The following TMEM132D variants were observed in gnomAD, a reference collection of about 807,000 sequenced individuals.
TMEM132D encodes the protein transmembrane protein 132D, also known as mature OL transmembrane protein.
In TMEM132D, 21 loss-of-function variants were observed where a neutral mutation model predicts 62.3. That is an observed-to-expected ratio of 0.34 (90% CI 0.24 to 0.49). The LOEUF (loss-of-function observed/expected upper bound fraction) is 0.49. Ranked by LOEUF, TMEM132D falls within the 20% of genes least tolerant of loss-of-function variation. TMEM132D has a pLI of 0.99. For missense variants in TMEM132D, 1,346 were observed against 1,402.8 expected (o/e 0.96, Z 0.65); for synonymous variants, 621 against 575.6 (o/e 1.08, Z -1.13).
chr12:129,407,011 T>C (rs1446250191), intron 3 of TMEM132D, among the ~76,000 whole-genome samples: 2 of 152,238 alleles, frequency 1.3e-5, no homozygotes, highest in Admixed American at 6.5e-5. Context: ...AGGTACTTGA[T>C]CAAAGAATAA....
At chr12:129,733,580 C>T (rs1869321197) in intron 1 of TMEM132D, among the ~76,000 whole-genome samples, 1 of 151,914 alleles carries the variant, frequency 6.6e-6, no homozygotes, top group Non-Finnish European at 1.5e-5. Flanking sequence ...TTACTGTTTT[C>T]AGCCACCATG....
At chr12:129,714,615 C>A (rs576864405) in intron 1 of TMEM132D, among the ~76,000 whole-genome samples, 1 of 152,164 alleles carries the variant, frequency 6.6e-6, no homozygotes, top group Non-Finnish European at 1.5e-5. Flanking sequence ...AGTATCAGAT[C>A]ATAATAATCA....
chr12:129,491,285 C>A (rs1288404770), intron 3 of TMEM132D, among the ~76,000 whole-genome samples: 1 of 152,196 alleles, frequency 6.6e-6, no homozygotes, highest in Non-Finnish European at 1.5e-5. Flanking sequence ...AAAAAGCCCA[C>A]GGCAACAAAC....
At chr12:129,177,447 C>A (rs1013885977) in intron 5 of TMEM132D, among the ~76,000 whole-genome samples, 1 of 152,050 alleles carries the variant, frequency 6.6e-6, no homozygotes, top group African/African-American at 2.4e-5. Context: ...GAGGTGGTTG[C>A]CAGTGTTTGG....
chr12:129,646,852 T>C (rs939399689), intron 2 of TMEM132D, among the ~76,000 whole-genome samples: 4 of 150,744 alleles, frequency 2.7e-5, no homozygotes, highest in African/African-American at 7.4e-5. Flanking sequence ...CAGGCTACAG[T>C]GCAATGGTGC....
intron 5 of TMEM132D, among the ~76,000 whole-genome samples, chr12:129,113,806 A>G (rs183745517): frequency 5.9e-4 from 90 of 152,070 alleles, no homozygotes; most frequent in African/African-American, 2.1e-3. Flanking sequence ...AGAGCAATAC[A>G]TGGCCTGGGG....
At chr12:129,490,297 T>C (rs905098637) in intron 3 of TMEM132D, among the ~76,000 whole-genome samples, 1 of 152,190 alleles carries the variant, frequency 6.6e-6, no homozygotes, top group Non-Finnish European at 1.5e-5. Flanking sequence ...CTATTCAGTT[T>C]AGATGTCTAT....
At chr12:129,201,211 C>T (rs1460021555) in intron 5 of TMEM132D, among the ~76,000 whole-genome samples, 1 of 152,178 alleles carries the variant, frequency 6.6e-6, no homozygotes, top group Non-Finnish European at 1.5e-5. Flanking sequence ...TAAGTTGCAA[C>T]AACAAAAACA....
chr12:129,545,976 C>T (rs757998186), intron 2 of TMEM132D, among the ~76,000 whole-genome samples: 1 of 152,156 alleles, frequency 6.6e-6, no homozygotes, highest in African/African-American at 2.4e-5. Context: ...TGTCCAGGTG[C>T]CTCTTGGACA....
chr12:129,225,004 G>A (rs1430896008), intron 4 of TMEM132D, among the ~76,000 whole-genome samples: 1 of 152,116 alleles, frequency 6.6e-6, no homozygotes, highest in Non-Finnish European at 1.5e-5. Flanking sequence ...ACGGAAACAG[G>A]AGAGCTTAGG....
At chr12:129,800,750 C>G (rs890838681) in intron 1 of TMEM132D, among the ~76,000 whole-genome samples, 1 of 152,068 alleles carries the variant, frequency 6.6e-6, no homozygotes, top group African/African-American at 2.4e-5. Context: ...GTCTACAGCT[C>G]CCAGCGAGAG....
intron 2 of TMEM132D, among the ~76,000 whole-genome samples, chr12:129,561,055 G>A (rs1877211690): frequency 6.6e-6 from 1 of 152,176 alleles, no homozygotes; most frequent in South Asian, 2.1e-4. Flanking sequence ...AGATAATGGA[G>A]AGTGCAATGA....
At chr12:129,542,826 C>T (rs1335219051) in intron 2 of TMEM132D, among the ~76,000 whole-genome samples, 3 of 152,114 alleles carry the variant, frequency 2.0e-5, no homozygotes, top group Non-Finnish European at 4.4e-5. Flanking sequence ...TGTATTTTTA[C>T]TGTACCTTTT....
intron 2 of TMEM132D, among the ~76,000 whole-genome samples, chr12:129,618,285 C>A (rs937690752): frequency 1.3e-5 from 2 of 152,150 alleles, no homozygotes; most frequent in Non-Finnish European, 2.9e-5. Context: ...ATCATAATAT[C>A]TAAAATCATT....
chr12:129,682,644 G>A (rs1264386740), intron 2 of TMEM132D, among the ~76,000 whole-genome samples: 1 of 151,958 alleles, frequency 6.6e-6, no homozygotes, highest in African/African-American at 2.4e-5. Flanking sequence ...TGGATCACGA[G>A]GTCAGGAGAT....
intron 2 of TMEM132D, among the ~76,000 whole-genome samples, chr12:129,688,005 G>C (rs575382033): frequency 1.3e-5 from 2 of 152,258 alleles, no homozygotes; most frequent in South Asian, 4.1e-4. Flanking sequence ...CACATTGTTT[G>C]ACACATAAAT....
intron 5 of TMEM132D, among the ~76,000 whole-genome samples, chr12:129,148,160 TTC>T (rs1250543537): frequency 6.6e-6 from 1 of 152,202 alleles, no homozygotes; most frequent in East Asian, 1.9e-4. Context: ...CCCCATTTTT[TTC>T]TCTTTGTATC....
rs193147113 is a variant in TMEM132D, at chr12:129,704,355, C to T, written c.80-3657G>A. Among the ~76,000 whole-genome samples the T allele has an allele frequency of 7.9e-5, 12 of 152,316 alleles. No homozygotes were observed. In the East Asian group the frequency reaches 1.7e-3, roughly 22 times the overall value. ...GCCATGTGGGTGCTCCCGCACCTGA[C>T]AATATTCCCAATGCTGGGAGGCAAC... On this transcript the variant is annotated intron_variant, in intron 1 of 8. Transcript: ENST00000422113.
intron 5 of TMEM132D, among the ~76,000 whole-genome samples, chr12:129,102,415 G>T (rs367653809): frequency 1.3e-5 from 2 of 150,538 alleles, no homozygotes; most frequent in East Asian, 3.9e-4. Flanking sequence ...ACACATGCAC[G>T]CACACTCGCA....
Sources: gnomAD v4.1 joint callset for allele counts (sites outside exome capture counted in the v4.1 genomes callset) on GRCh38, gnomAD v4.1.1 for gene constraint, MANE v1.5 for transcripts, NCBI Gene and HGNC (gene_info 2026-07-23, HGNC 2026-07-21) for gene names.